FMN1: variants seen among roughly 807,000 people sequenced by gnomAD.
FMN1 encodes the protein formin 1, also known as formin-1.
FMN1 carries 110 observed loss-of-function variants against 132.4 expected under a neutral mutation model. The ratio of observed to expected loss-of-function variants is 0.83; its 90% CI spans 0.71 to 0.97. The LOEUF is 0.97. Ranked by LOEUF, FMN1 falls within the 50% of genes least tolerant of loss-of-function variation. FMN1 has a pLI of 0.00. For missense variants in FMN1, 1,792 were observed against 1,705.3 expected (o/e 1.05, Z -0.90); for synonymous variants, 722 against 651.7 (o/e 1.11, Z -1.64).
chr15:32,919,382 G>C (rs2060765792), intron 10 of FMN1, among the ~76,000 whole-genome samples: 1 of 152,172 alleles, frequency 6.6e-6, no homozygotes, highest in Non-Finnish European at 1.5e-5. Flanking sequence ...CACCCGCCAA[G>C]AAGTTGATCC....
At chr15:32,881,398 C>T (rs1184112220) in intron 16 of FMN1, among the ~76,000 whole-genome samples, 2 of 151,970 alleles carry the variant, frequency 1.3e-5, no homozygotes, top group Admixed American at 1.3e-4. Context: ...TTTGAGTTTC[C>T]AAAATTTTGT....
intron 1 of FMN1, among the ~76,000 whole-genome samples, 162 bp downstream of exon 1, chr15:33,194,416 G>A (rs1050009349): frequency 1.3e-5 from 2 of 151,880 alleles, no homozygotes; most frequent in Non-Finnish European, 1.5e-5. Flanking sequence ...GGGAGCTGGA[G>A]GAACCGACAC....
At chr15:32,802,666 C>G (rs6494693) in intron 18 of FMN1, among the ~76,000 whole-genome samples, 98,214 of 152,066 alleles carry the variant, frequency 0.65, 32,008 homozygotes, top group African/African-American at 0.73. Context: ...CCCCTCCACG[C>G]TGGGCCCCCT....
Position 33,154,417 on chromosome 15 carries a change from T to C in FMN1, c.498A>G (p.Arg166=). ...TCTGTGGAAGGGCCCCAAAGCTCTCTCTCCTTCCACTAGACCTCCGAGGCT... is the reference window on the plus strand; with the variant it reads ...TCTGTGGAAGGGCCCCAAAGCTCTCCCTCCTTCCACTAGACCTCCGAGGCT... The part of the protein sequence containing the change: ...NKKPRRSSGR[R]ESFGALPQKR... Residue 166 remains arginine, a synonymous_variant, in exon 4 of 21, where the codon AGA becomes AGG. Transcript: ENST00000616417. The C allele has an allele frequency of 6.5e-7, 1 of 1,536,106 alleles. No individual in the cohort carries two copies. Among genetic ancestry groups the C allele is most frequent in the Non-Finnish European group, 8.7e-7 (1 of 1,146,914 alleles).
At chr15:32,873,489 A>G (rs752695517) in intron 16 of FMN1, among the ~76,000 whole-genome samples, 1 of 152,196 alleles carries the variant, frequency 6.6e-6, no homozygotes, top group Non-Finnish European at 1.5e-5. Flanking sequence ...GCGCAGGGAC[A>G]GTTTCTGGTC....
chr15:32,851,000 G>A (rs1252754202), intron 17 of FMN1, among the ~76,000 whole-genome samples: 2 of 152,074 alleles, frequency 1.3e-5, no homozygotes, highest in African/African-American at 2.4e-5. Flanking sequence ...AGAGCTTGCA[G>A]TGAGCCAAGA....
intron 4 of FMN1, among the ~76,000 whole-genome samples, chr15:33,144,160 G>A (rs931276070): frequency 1.3e-5 from 2 of 152,122 alleles, no homozygotes; most frequent in Non-Finnish European, 2.9e-5. Flanking sequence ...AATGACATTA[G>A]TAGTCAGACA....
At chr15:33,127,453 CTG>C (rs1963202201) in intron 4 of FMN1, among the ~76,000 whole-genome samples, 1 of 152,194 alleles carries the variant, frequency 6.6e-6, no homozygotes, top group Non-Finnish European at 1.5e-5. Context: ...CTACATCTAA[CTG>C]TAAATAAAAC....
chr15:32,913,110 CTAG>C (rs1479989835), intron 10 of FMN1, among the ~76,000 whole-genome samples: 1 of 152,106 alleles, frequency 6.6e-6, no homozygotes, highest in Non-Finnish European at 1.5e-5. Flanking sequence ...ATCGCGGTTA[CTAG>C]GAAACCCTTC....
At chr15:32,809,519 G>A (rs895822819) in intron 17 of FMN1, among the ~76,000 whole-genome samples, 3 of 152,126 alleles carry the variant, frequency 2.0e-5, no homozygotes, top group Non-Finnish European at 4.4e-5. Flanking sequence ...CTCCTGCTGC[G>A]TGGGACTCAT....
At chr15:33,151,246 CA>C in intron 4 of FMN1, 2 of 1,535,660 alleles carry the variant, frequency 1.3e-6, no homozygotes, top group South Asian at 1.2e-5. Context: ...TTACCCATAT[CA>C]AAAAAAGCTC....
chr15:33,058,794 T>C lies in FMN1; in HGVS notation c.2161+6163A>G, dbSNP rs1425474916. On this transcript the variant is annotated intron_variant, in intron 6 of 20. Coordinates refer to ENST00000616417, the MANE Select transcript of FMN1 (RefSeq NM_001277313.2). ...TTGACAAATCATAGTTGTATACCTT[T>C]ACGGGGTAGATGATGCGGTGTTTTG... Among the ~76,000 whole-genome samples, 3 of 152,328 alleles carry C rather than the reference T, an allele frequency of 2.0e-5. No individual in the cohort carries two copies. In the East Asian group the frequency reaches 5.8e-4, roughly 29 times the overall value.
At chr15:33,120,875 A>C (rs1007504397) in intron 4 of FMN1, among the ~76,000 whole-genome samples, 2 of 151,638 alleles carry the variant, frequency 1.3e-5, no homozygotes, top group African/African-American at 4.8e-5. Flanking sequence ...GCTCTCCAGG[A>C]CTCTTTCTTC....
At position 33,190,628 on chromosome 15, in the gene FMN1, C is replaced by T. The variant is rs117257438; in HGVS notation, c.-197+3281G>A. Among the ~76,000 whole-genome samples the T allele has an allele frequency of 9.9e-3, 1,503 of 152,278 alleles. 61 individuals carry two copies. In the East Asian group the frequency reaches 0.12, roughly 12 times the overall value. On this transcript the variant is annotated intron_variant, in intron 2 of 20. Transcript: ENST00000616417. ...TTTAACAACAAGCACTGCTGTCTGACGCATTTCTAGACTACTAGTCTTCAG... is the reference window on the plus strand; with the variant it reads ...TTTAACAACAAGCACTGCTGTCTGATGCATTTCTAGACTACTAGTCTTCAG...
rs145188360 is a variant in FMN1, at chr15:33,053,049, A to G, written c.2161+11908T>C. 4.7e-3 allele frequency among the ~76,000 whole-genome samples: 715 copies of G among 152,234 alleles called. 9 individuals are homozygous for G. The highest frequency in any genetic ancestry group is 0.017 in the African/African-American group (687 of 41,556). Reference sequence around the variant, plus strand: ...GCTGAAAGTTGTTCCATTGTTCAATAAAATCCTCCACTCTCATCACCCTTC... The same window carrying G: ...GCTGAAAGTTGTTCCATTGTTCAATGAAATCCTCCACTCTCATCACCCTTC... On this transcript the variant is annotated intron_variant, in intron 6 of 20. Coordinates refer to ENST00000616417, the MANE Select transcript of FMN1 (RefSeq NM_001277313.2).
intron 5 of FMN1, among the ~76,000 whole-genome samples, chr15:33,084,465 C>T (rs1183373209): frequency 6.6e-5 from 10 of 151,920 alleles, no homozygotes; most frequent in Middle Eastern, 3.4e-3. Flanking sequence ...TTTGTGGGAC[C>T]GAATCCTTAA....
chr15:33,057,905 T>C (rs1272832707), intron 6 of FMN1, among the ~76,000 whole-genome samples: 1 of 141,162 alleles, frequency 7.1e-6, no homozygotes. Context: ...GAGTGTGCTC[T>C]ATTTGCTGAG....
intron 9 of FMN1, among the ~76,000 whole-genome samples, chr15:32,955,521 C>CTCA: frequency 6.6e-6 from 1 of 152,116 alleles, no homozygotes; most frequent in Non-Finnish European, 1.5e-5. Flanking sequence ...AGCACAGGCG[C>CTCA]TCAGCCTCAT....
At chr15:32,942,310 T>A (rs1057035869) in intron 9 of FMN1, among the ~76,000 whole-genome samples, 4 of 152,190 alleles carry the variant, frequency 2.6e-5, no homozygotes, top group African/African-American at 7.2e-5. Context: ...GAAGACAGAT[T>A]TGCTACACTG....
Sources: gnomAD v4.1 joint callset for allele counts (sites outside exome capture counted in the v4.1 genomes callset) on GRCh38, gnomAD v4.1.1 for gene constraint, MANE v1.5 for transcripts, NCBI Gene and HGNC (gene_info 2026-07-23, HGNC 2026-07-21) for gene names.